The following DNHD1 variants were observed in gnomAD, a reference collection of about 807,000 sequenced individuals.
The protein encoded by DNHD1 is dynein heavy chain domain-containing protein 1.
DNHD1 carries 383 observed loss-of-function variants against 458.1 expected under a neutral mutation model. The ratio of observed to expected loss-of-function variants is 0.84; its 90% CI spans 0.77 to 0.91. The LOEUF (loss-of-function observed/expected upper bound fraction) is 0.91. DNHD1 is among the 40% of genes least tolerant of loss of function. The pLI is 0.00. For synonymous variants in DNHD1, 2,203 were observed against 2,376.9 expected, an observed-to-expected ratio of 0.93 and a Z score of 2.13; for missense variants, 5,336 against 5,866.1, an observed-to-expected ratio of 0.91 and a Z score of 2.95.
chr11:6,561,939 G>C (rs923534693), intron 28 of DNHD1, among the ~76,000 whole-genome samples: 7 of 152,146 alleles, frequency 4.6e-5, no homozygotes, highest in Non-Finnish European at 7.3e-5. Context: ...GGTCATGGGG[G>C]TATTGTCAAT....
At position 6,509,171 on chromosome 11, in the gene DNHD1, G is replaced by C. The variant is rs150652653; in HGVS notation, c.1134G>C (p.Lys378Asn). 2,768 of 1,614,188 alleles carry C rather than the reference G, an allele frequency of 1.7e-3. 56 individuals carry two copies. In the Admixed American group the frequency reaches 0.035, roughly 20 times the overall value. Residue 378 changes from lysine to asparagine, a missense_variant, in exon 6 of 43, where the codon AAG (lysine) becomes AAC (asparagine). By Grantham distance (94) the Lys-to-Asn change is moderately conservative. This residue lies in a region of DNHD1 where 3,932 missense variants were observed against 4,365.6 expected (regional missense o/e 0.90). Coordinates refer to ENST00000254579, the MANE Select transcript of DNHD1 (RefSeq NM_144666.3). ...GACCTCTAATTTCTAGTTGGAAGAA[G>C]AATGTGAGATTACAGGGGCTGCATC... ...LLRKSFTCWK[K>N]NVRLQGLHRL...
rs202030664 is a variant in DNHD1 at position 6,571,364 on chromosome 11, G to T, written c.13852G>T (p.Val4618Phe). ...SSNFPGSRGS[V>F]SSQLQYKRLE... is the part of the protein sequence containing the mutation. ...GAATTTCCCTGGTAGCCGAGGCTCG[G>T]TCTCCAGTCAGCTCCAGTATAAACG... The change falls in exon 42 of 43, where the codon GTC becomes TTC. Residue 4618 changes from valine (V) to phenylalanine (F), a missense_variant. This residue lies in a region of DNHD1 where 698 missense variants were observed against 664.9 expected (regional missense o/e 1.05). Coordinates refer to ENST00000254579, the MANE Select transcript of DNHD1 (RefSeq NM_144666.3). The surrounding 1 kb of genome is among the most constrained non-coding windows in gnomAD (Gnocchi z 5.0). 117 of 1,612,298 alleles carry T rather than the reference G, an allele frequency of 7.3e-5. No individual in the cohort carries two copies. Among genetic ancestry groups the T allele is most frequent in the Non-Finnish European group, 9.4e-5 (111 of 1,179,378 alleles).
At chr11:6,544,707 G>T in intron 20 of DNHD1, 36 bp downstream of exon 20, 2 of 1,546,816 alleles carry the variant, frequency 1.3e-6, no homozygotes, top group East Asian at 2.4e-5. Flanking sequence ...GGGCAAGAAG[G>T]GTTCCTGAAT....
chr11:6,516,407 C>T (rs965030923), intron 7 of DNHD1, among the ~76,000 whole-genome samples: 2 of 150,852 alleles, frequency 1.3e-5, no homozygotes, highest in South Asian at 4.2e-4. Context: ...AAGTGATTCT[C>T]CTACCTCAGC....
In DNHD1 at chr11:6,566,985, C is replaced by T; in HGVS notation, c.11476C>T (p.Leu3826=). ...GAACATAGTGAGGGCCCAAGGAAAGCTATGCCAGCTGCGTGCTCATTGTGA... is the reference window on the plus strand; with the variant it reads ...GAACATAGTGAGGGCCCAAGGAAAGTTATGCCAGCTGCGTGCTCATTGTGA... ...LRNIVRAQGK[L]CQLRAHCEEL... is the part of the protein sequence containing the mutation. Residue 3826 remains leucine, a synonymous_variant, in exon 36 of 43, where the codon CTA becomes TTA. Coordinates refer to ENST00000254579, the MANE Select transcript of DNHD1 (RefSeq NM_144666.3). 1 of 1,614,028 alleles carries T rather than the reference C, an allele frequency of 6.2e-7. No homozygotes were observed. The highest frequency in any genetic ancestry group is 1.6e-4 in the Middle Eastern group (1 of 6,062).
Position 6,567,023 on chromosome 11 carries a change from G to A in DNHD1, c.11514G>A (p.Gly3838=), listed in dbSNP as rs761104622. The change falls in exon 36 of 43, where the codon GGG becomes GGA. Residue 3838 remains glycine (G), a synonymous_variant. Coordinates refer to ENST00000254579, the MANE Select transcript of DNHD1 (RefSeq NM_144666.3). ...QLRAHCEELE[G]QKLQEMVLWA... ...GTGCTCATTGTGAAGAGTTAGAAGG[G>A]CAGAAACTACAGGAGATGGTATTGT... 1 of 1,613,912 alleles carries A rather than the reference G, an allele frequency of 6.2e-7. No individual in the cohort carries two copies. The highest frequency in any genetic ancestry group is 1.3e-5 in the African/African-American group (1 of 74,922).
Position 6,545,171 on chromosome 11 carries a change from C to T in DNHD1, c.4232C>T (p.Ser1411Leu), listed in dbSNP as rs761094870. ...GAGAAAAACACAGATGACTGGGAGTCAAGCCCAAACACACAGACTCAGGTG... is the reference window on the plus strand; with the variant it reads ...GAGAAAAACACAGATGACTGGGAGTTAAGCCCAAACACACAGACTCAGGTG... ...TGEKNTDDWESSPNTQTQVEA... is the reference protein window; with the variant it reads ...TGEKNTDDWELSPNTQTQVEA... The change falls in exon 21 of 43, where the codon TCA becomes TTA. Residue 1411 changes from serine (S) to leucine (L), a missense_variant. Ser to Leu is a moderately radical substitution (Grantham distance 145, BLOSUM62 -2). This residue lies in a region of DNHD1 where 3,932 missense variants were observed against 4,365.6 expected (regional missense o/e 0.90). Transcript: ENST00000254579. This position sits in a 1 kb window ranked among gnomAD's most constrained non-coding sequence, Gnocchi z 4.9. The T allele has an allele frequency of 1.2e-5, 18 of 1,552,052 alleles. 1 individual carries two copies. In the Middle Eastern group the frequency reaches 1.0e-3, roughly 86 times the overall value.
At chr11:6,551,247 A>G (rs1330694694) in intron 24 of DNHD1, among the ~76,000 whole-genome samples, 1 of 152,228 alleles carries the variant, frequency 6.6e-6, no homozygotes, top group Non-Finnish European at 1.5e-5. Context: ...CCAAAAAAGA[A>G]ATTACAAGAG....
rs138887699 is a variant in DNHD1, at chr11:6,503,186, T to C, written c.920+260T>C. On this transcript the variant is annotated intron_variant, in intron 4 of 42. Transcript: ENST00000254579. ...TTCTCACATTTTGCTCTTTCTTTTT[T>C]ATTCTATCCTAGAATGATAGAAACA... 5 of 431,956 alleles carry C rather than the reference T, an allele frequency of 1.2e-5. No homozygotes were observed. The East Asian group carries it at 2.1e-4, about 18-fold the overall frequency. The allele number at this position is 431,956 out of a possible 1,614,324, so 26.8% of individuals were successfully genotyped here.
chr11:6,538,684 G>A lies in DNHD1; in HGVS notation c.3199G>A (p.Glu1067Lys). 6.5e-7 allele frequency: 1 copy of A among 1,549,858 alleles called. No homozygotes were observed. The highest frequency in any genetic ancestry group is 8.7e-7 in the Non-Finnish European group (1 of 1,145,788). ...TEAARMSTTL[E>K]LHSPVLQHCM... ...GGCAGCACGGATGAGCACAACCCTG[G>A]AGCTGCACAGCCCCGTGCTGCAGCA... The change falls in exon 16 of 43, where the codon GAG (glutamate) becomes AAG (lysine). Residue 1067 changes from glutamate to lysine, a missense_variant. Glu to Lys is a moderately conservative substitution (Grantham distance 56). This residue lies in a region of DNHD1 where 3,932 missense variants were observed against 4,365.6 expected (regional missense o/e 0.90). Transcript: ENST00000254579.
chr11:6,501,174 G>A (rs1439518553), intron 3 of DNHD1, among the ~76,000 whole-genome samples: 1 of 152,172 alleles, frequency 6.6e-6, no homozygotes, highest in Non-Finnish European at 1.5e-5. Flanking sequence ...AGATTGTGGT[G>A]CATTGAGGAG....
intron 28 of DNHD1, among the ~76,000 whole-genome samples, chr11:6,559,874 T>C (rs1049483027): frequency 6.6e-6 from 1 of 152,328 alleles, no homozygotes; most frequent in Admixed American, 6.5e-5. Flanking sequence ...TCCTTTCCTC[T>C]CTCGTCTCTC....
rs1381445252 is a variant in DNHD1, at chr11:6,548,540, A to G, written c.7099-105A>G. ...TCACAATCACAAGAATACATGAAAT[A>G]TTTTCCAAGTACAGCTCTAGGACAA... On this transcript the variant is annotated intron_variant, in intron 23 of 42. Coordinates refer to ENST00000254579, the MANE Select transcript of DNHD1 (RefSeq NM_144666.3). The surrounding 1 kb of genome is among the most constrained non-coding windows in gnomAD (Gnocchi z 4.4). 35 of 1,472,036 alleles carry G rather than the reference A, an allele frequency of 2.4e-5. No individual in the cohort carries two copies. Among genetic ancestry groups the G allele is most frequent in the Non-Finnish European group, 3.1e-5 (34 of 1,090,832 alleles). 91.2% of individuals were successfully genotyped at this position (1,472,036 alleles called of 1,614,324 possible).
At chr11:6,539,074 T>A in intron 16 of DNHD1, 145 bp from the exon 17 acceptor site, 1 of 675,018 alleles carries the variant, frequency 1.5e-6, no homozygotes, top group South Asian at 1.9e-5. Context: ...CCTTGAGTTC[T>A]AAGCTGTTGG....
rs1257901788 is a variant in DNHD1 at position 6,545,981 on chromosome 11, C to T, written c.5042C>T (p.Ala1681Val). The change falls in exon 21 of 43, where the codon GCC becomes GTC. Residue 1681 changes from alanine to valine, a missense_variant. By Grantham distance (64) the Ala-to-Val change is moderately conservative. Coordinates refer to ENST00000254579, the MANE Select transcript of DNHD1 (RefSeq NM_144666.3). The surrounding 1 kb of genome is among the most constrained non-coding windows in gnomAD (Gnocchi z 4.9). Reference sequence around the variant, plus strand: ...CTATTATTGGCCCTAGAGGAGGTGGCCTGTGGGACCGTACTGGGTCCTAAT... The same window carrying T: ...CTATTATTGGCCCTAGAGGAGGTGGTCTGTGGGACCGTACTGGGTCCTAAT... Reference protein sequence around the residue: ...LVLLLALEEVACGTVLGPNGV... With the variant: ...LVLLLALEEVVCGTVLGPNGV... The T allele has an allele frequency of 1.9e-6, 3 of 1,551,772 alleles. No individual in the cohort carries two copies. The Admixed American group carries it at 5.9e-5, about 30-fold the overall frequency.
chr11:6,552,161 G>T (rs1589889203), intron 24 of DNHD1, among the ~76,000 whole-genome samples: 1 of 149,556 alleles, frequency 6.7e-6, no homozygotes, highest in South Asian at 2.2e-4. Context: ...AGGTGAAATG[G>T]ATACATGCTG....
intron 3 of DNHD1, 126 bp downstream of exon 3, chr11:6,499,087 A>G: frequency 9.0e-7 from 1 of 1,114,484 alleles, no homozygotes; most frequent in South Asian, 1.8e-5. Flanking sequence ...GCCCAACTCC[A>G]CACAAAGCTA....
chr11:6,524,231 G>T lies in DNHD1; in HGVS notation c.1837+3942G>T, dbSNP rs138101090. On this transcript the variant is annotated intron_variant, in intron 10 of 42. Transcript: ENST00000254579. ...CTTCAAGCTTGTCTTATATTTTGGAGCTCACAAAACAGACAATTACTAACT... is the reference window on the plus strand; with the variant it reads ...CTTCAAGCTTGTCTTATATTTTGGATCTCACAAAACAGACAATTACTAACT... 2.0e-5 allele frequency among the ~76,000 whole-genome samples: 3 copies of T among 152,258 alleles called. No homozygotes were observed. The East Asian group carries it at 5.8e-4, about 29-fold the overall frequency.
At position 6,544,668 on chromosome 11, in the gene DNHD1, C is replaced by G. The variant is rs1157096192; in HGVS notation, c.3849C>G (p.Asp1283Glu). ...HEMKIQFPNA[D>E]LNSRFKVMDD... ...TGAAGATCCAGTTTCCTAATGCTGACCTGGTAGGGAAGGGGGTTGAGGCAG... is the reference window on the plus strand; with the variant it reads ...TGAAGATCCAGTTTCCTAATGCTGAGCTGGTAGGGAAGGGGGTTGAGGCAG... The change falls in exon 20 of 43, where the codon GAC becomes GAG. Residue 1283 changes from aspartate to glutamate, a missense_variant. Physicochemically the swap from Asp to Glu is conservative, Grantham distance 45. Coordinates refer to ENST00000254579, the MANE Select transcript of DNHD1 (RefSeq NM_144666.3). 3.9e-6 allele frequency: 6 copies of G among 1,551,030 alleles called. No individual in the cohort carries two copies. Among genetic ancestry groups the G allele is most frequent in the South Asian group, 1.2e-5 (1 of 84,028 alleles).
Sources: gnomAD v4.1 joint callset for allele counts (sites outside exome capture counted in the v4.1 genomes callset) on GRCh38, gnomAD v4.1.1 for gene constraint, gnomAD v4.1.1 regional missense constraint, Gnocchi (gnomAD v3.1) non-coding constraint, MANE v1.5 for transcripts, NCBI Gene and HGNC (gene_info 2026-07-23, HGNC 2026-07-21) for gene names.